Variants in METTL8 observed in about 807,000 individuals in gnomAD.
The protein encoded by METTL8 is methyltransferase 8, tRNA N3-cytidine.
A neutral mutation model predicts 48.7 loss-of-function variants in METTL8; 32 were observed. The ratio of observed to expected loss-of-function variants is 0.66; its 90% CI spans 0.50 to 0.88. METTL8 has a LOEUF of 0.88. Ranked by LOEUF, METTL8 falls within the 40% of genes least tolerant of loss-of-function variation. The pLI is 0.00. For synonymous variants in METTL8, 136 were observed against 157.1 expected (o/e 0.87, Z 1.01); for missense variants, 464 against 474.4 (o/e 0.98, Z 0.20).
At position 171,331,172 on chromosome 2, in the gene METTL8, G is replaced by A. The variant is rs753524027; in HGVS notation, c.721-474C>T. On this transcript the variant is annotated intron_variant, in intron 6 of 9. Transcript: ENST00000375258. Reference sequence around the variant, plus strand: ...TGTCACCAGCATGGAGTGCAGTGGCGCAATCTTGGCTCACTGCAACCTCCG... The same window carrying A: ...TGTCACCAGCATGGAGTGCAGTGGCACAATCTTGGCTCACTGCAACCTCCG... 7.0e-4 allele frequency among the ~76,000 whole-genome samples: 106 copies of A among 152,076 alleles called. 1 individual carries two copies. The highest frequency in any genetic ancestry group is 1.6e-3 in the Admixed American group (24 of 15,292).
At chr2:171,359,880 C>T (rs764622171) in intron 3 of METTL8, among the ~76,000 whole-genome samples, 5 of 152,112 alleles carry the variant, frequency 3.3e-5, no homozygotes, top group African/African-American at 9.7e-5. Flanking sequence ...TGTGAGCCAC[C>T]GCGCCGGCTC....
In METTL8 at chr2:171,339,323, T is replaced by A; in HGVS notation, c.467A>T (p.Tyr156Phe). 1.9e-6 allele frequency: 3 copies of A among 1,613,044 alleles called. No homozygotes were observed. In the South Asian group the frequency reaches 3.3e-5, roughly 18 times the overall value. ...TTCTGAAGAACCAGAACTTTTCTCA[T>A]AATGATTTTTTTCATCAGGCACAGT... ...CPTVPDEKNH[Y>F]EKSSGSSEGQ... The change falls in exon 4 of 10, where the codon TAT becomes TTT. Residue 156 changes from tyrosine to phenylalanine, a missense_variant. Physicochemically the swap from Tyr to Phe is conservative, Grantham distance 22 (BLOSUM62 3). Transcript: ENST00000375258.
At chr2:171,389,274 C>T (rs1473710600) in intron 2 of METTL8, among the ~76,000 whole-genome samples, 1 of 152,036 alleles carries the variant, frequency 6.6e-6, no homozygotes, top group African/African-American at 2.4e-5. Flanking sequence ...AATCCCAGCA[C>T]TTTGGGAGGC....
Position 171,318,846 on chromosome 2 carries a change from A to C in METTL8, c.*5326T>G, listed in dbSNP as rs1684387317. On this transcript the variant is annotated 3_prime_UTR_variant, in exon 10 of 10. Coordinates refer to ENST00000375258, the MANE Select transcript of METTL8 (RefSeq NM_001321154.2). ...GGGCCCATCCATTACAAGAGCAGCA[A>C]GTAGAGGTTTTGGAATCAGAGAGTT... The C allele has an allele frequency of 6.6e-6, 1 of 151,938 alleles. No homozygotes were observed. The highest frequency in any genetic ancestry group is 2.4e-5 in the African/African-American group (1 of 41,372). The allele number at this position is 151,938 out of a possible 1,614,324, so 9.4% of individuals were successfully genotyped here.
intron 1 of METTL8, among the ~76,000 whole-genome samples, chr2:171,428,133 A>C (rs1692604680): frequency 6.6e-6 from 1 of 152,226 alleles, no homozygotes; most frequent in Admixed American, 6.5e-5. Context: ...AATAGAAAAA[A>C]AGAAGAACTA....
chr2:171,416,256 A>T (rs1437646441), intron 1 of METTL8, among the ~76,000 whole-genome samples: 1 of 151,686 alleles, frequency 6.6e-6, no homozygotes, highest in East Asian at 1.9e-4. Flanking sequence ...AAGCTCGTGC[A>T]CCCTCTGCTG....
intron 5 of METTL8, 153 bp from the exon 6 acceptor site, chr2:171,332,020 G>C (rs1685590863): frequency 5.4e-6 from 3 of 559,250 alleles, no homozygotes; most frequent in African/African-American, 3.8e-5. Flanking sequence ...TGAGTAGCTA[G>C]GACTACAGAT....
chr2:171,370,668 G>A lies in METTL8; in HGVS notation c.144-10155C>T, dbSNP rs534054213. Reference sequence around the variant, plus strand: ...TAGCCGGGTGTGGTGGTGGGCACCTGTAGTCCCAGCTACTCGGGAGGCTGA... The same window carrying A: ...TAGCCGGGTGTGGTGGTGGGCACCTATAGTCCCAGCTACTCGGGAGGCTGA... On this transcript the variant is annotated intron_variant, in intron 2 of 9. Transcript: ENST00000375258. 2.2e-3 allele frequency among the ~76,000 whole-genome samples: 333 copies of A among 152,202 alleles called. 2 individuals are homozygous for A. Among genetic ancestry groups the A allele is most frequent in the Non-Finnish European group, 3.8e-3 (261 of 67,998 alleles).
chr2:171,383,747 G>T (rs1687790775), intron 2 of METTL8, among the ~76,000 whole-genome samples: 1 of 152,178 alleles, frequency 6.6e-6, no homozygotes, highest in Non-Finnish European at 1.5e-5. Flanking sequence ...AGATCTCTGG[G>T]CCATGTCTCA....
At chr2:171,363,899 A>G (rs1323715261) in intron 2 of METTL8, among the ~76,000 whole-genome samples, 1 of 142,580 alleles carries the variant, frequency 7.0e-6, no homozygotes, top group Non-Finnish European at 1.5e-5. Flanking sequence ...TGCAACCTCC[A>G]CCTCCCGTGT....
intron 1 of METTL8, among the ~76,000 whole-genome samples, chr2:171,427,618 GCTC>G (rs1199333908): frequency 1.3e-5 from 2 of 152,134 alleles, no homozygotes; most frequent in East Asian, 3.9e-4. Context: ...TTGCAGATCA[GCTC>G]CTCCTCATCA....
At chr2:171,381,126 T>G (rs905159528) in intron 2 of METTL8, among the ~76,000 whole-genome samples, 3 of 152,144 alleles carry the variant, frequency 2.0e-5, no homozygotes, top group Non-Finnish European at 4.4e-5. Flanking sequence ...CTATCTGATC[T>G]TCAACAAACC....
chr2:171,325,779 A>T, intron 9 of METTL8, 62 bp downstream of exon 9: 1 of 988,138 alleles, frequency 1.0e-6, no homozygotes, highest in Non-Finnish European at 1.5e-6. Context: ...AGCTATAATC[A>T]ATGAGATAAT....
rs938837043 is a variant in METTL8 at position 171,316,460 on chromosome 2, G to A, written c.*7712C>T. Among the ~76,000 whole-genome samples, 1 of 152,230 alleles carries A rather than the reference G, an allele frequency of 6.6e-6. No homozygotes were observed. Among genetic ancestry groups the A allele is most frequent in the Non-Finnish European group, 1.5e-5 (1 of 68,042 alleles). ...AAGCACCTGGAGAGTGAGTTAGGGA[G>A]AGAAAGCATGGAAGAAATGTGAGTA... On this transcript the variant is annotated 3_prime_UTR_variant, in exon 10 of 10. Coordinates refer to ENST00000375258, the MANE Select transcript of METTL8 (RefSeq NM_001321154.2).
chr2:171,374,198 T>C (rs1252301498), intron 2 of METTL8, among the ~76,000 whole-genome samples: 1 of 152,214 alleles, frequency 6.6e-6, no homozygotes, highest in East Asian at 1.9e-4. Context: ...AGGTATTTTA[T>C]TCTCTTTGAA....
chr2:171,434,495 AAGG>A (rs1693637025), upstream of METTL8: 4 of 1,520,110 alleles, frequency 2.6e-6, no homozygotes, highest in African/African-American at 5.5e-5. Context: ...TCGAAATTCG[AAGG>A]CAGCGGCGGC....
At chr2:171,349,259 G>A (rs543517110) in intron 3 of METTL8, among the ~76,000 whole-genome samples, 2 of 152,212 alleles carry the variant, frequency 1.3e-5, no homozygotes, top group South Asian at 2.1e-4. Flanking sequence ...TCTAAATGAT[G>A]AGCTAAAAAC....
chr2:171,425,726 G>C (rs563208274), intron 1 of METTL8, among the ~76,000 whole-genome samples: 1 of 152,336 alleles, frequency 6.6e-6, no homozygotes, highest in South Asian at 2.1e-4. Flanking sequence ...ACAAGAATTT[G>C]AGGTAATGAA....
chr2:171,364,130 T>C (rs976066207), intron 2 of METTL8, among the ~76,000 whole-genome samples: 1 of 152,074 alleles, frequency 6.6e-6, no homozygotes, highest in African/African-American at 2.4e-5. Context: ...ATATATGTAT[T>C]ATAATTACAA....
Sources: gnomAD v4.1 joint callset for allele counts (sites outside exome capture counted in the v4.1 genomes callset) on GRCh38, gnomAD v4.1.1 for gene constraint, MANE v1.5 for transcripts, NCBI Gene and HGNC (gene_info 2026-07-23, HGNC 2026-07-21) for gene names.